The following SLC25A26 variants were observed in gnomAD, a reference collection of about 807,000 sequenced individuals.
The protein encoded by SLC25A26 is mitochondrial S-adenosylmethionine carrier protein.
A neutral mutation model predicts 37.8 loss-of-function variants in SLC25A26; 36 were observed. That is an observed-to-expected ratio of 0.95 (90% CI 0.73 to 1.26). The LOEUF (loss-of-function observed/expected upper bound fraction) is 1.26. Among genes scored for constraint, SLC25A26 ranks in the 50% most tolerant of loss-of-function variants. SLC25A26 has a pLI of 0.00. For synonymous variants in SLC25A26, 129 were observed against 122.5 expected (o/e 1.05, Z -0.35); for missense variants, 390 against 331.1 (o/e 1.18, Z -1.38).
chr3:66,174,740 C>T (rs867446621), intron 1 of SLC25A26, among the ~76,000 whole-genome samples: 5 of 150,994 alleles, frequency 3.3e-5, no homozygotes, highest in Non-Finnish European at 7.4e-5. Context: ...GAGCCGAGAT[C>T]GCGCCACTGC....
intron 1 of SLC25A26, among the ~76,000 whole-genome samples, chr3:66,200,321 C>T (rs2071092583): frequency 6.6e-6 from 1 of 152,122 alleles, no homozygotes; most frequent in African/African-American, 2.4e-5. Flanking sequence ...CTACCTTTTC[C>T]CTGGCAGGTG....
intron 1 of SLC25A26, among the ~76,000 whole-genome samples, chr3:66,226,644 G>A (rs1377669145): frequency 6.6e-6 from 1 of 152,030 alleles, no homozygotes; most frequent in Non-Finnish European, 1.5e-5. Flanking sequence ...TTCTTGTTTT[G>A]TAGAGACAGG....
chr3:66,358,692 G>A (rs1344163957), intron 6 of SLC25A26, among the ~76,000 whole-genome samples: 1 of 152,176 alleles, frequency 6.6e-6, no homozygotes, highest in Non-Finnish European at 1.5e-5. Flanking sequence ...GGATCTCACT[G>A]TGTTAACTAG....
At chr3:66,345,725 C>G (rs529288454) in intron 5 of SLC25A26, among the ~76,000 whole-genome samples, 36 of 152,282 alleles carry the variant, frequency 2.4e-4, no homozygotes, top group African/African-American at 8.2e-4. Flanking sequence ...AATCCTAACA[C>G]TGCCTGCTAA....
chr3:66,300,561 A>G (rs1366330989), intron 5 of SLC25A26, among the ~76,000 whole-genome samples: 2 of 152,098 alleles, frequency 1.3e-5, no homozygotes, highest in Admixed American at 6.6e-5. Context: ...GGTGTCGCTG[A>G]TGCTCGTTTT....
chr3:66,336,535 C>G (rs933569120), intron 5 of SLC25A26, among the ~76,000 whole-genome samples: 2 of 152,172 alleles, frequency 1.3e-5, no homozygotes, highest in African/African-American at 4.8e-5. Flanking sequence ...TGTGCGAGTT[C>G]TAACGTTTTG....
At chr3:66,352,191 G>A (rs1324962508) in intron 6 of SLC25A26, among the ~76,000 whole-genome samples, 3 of 152,190 alleles carry the variant, frequency 2.0e-5, no homozygotes, top group South Asian at 2.1e-4. Flanking sequence ...GGGCGACAGA[G>A]TGAGACCCTG....
At chr3:66,209,637 A>ATC (rs2071247798) in intron 1 of SLC25A26, among the ~76,000 whole-genome samples, 1 of 139,830 alleles carries the variant, frequency 7.2e-6, no homozygotes, top group Non-Finnish European at 1.5e-5. Flanking sequence ...TATTTTATAT[A>ATC]TATATACCTT....
intron 3 of SLC25A26, among the ~76,000 whole-genome samples, chr3:66,254,969 C>A (rs559466808): frequency 1.3e-4 from 20 of 152,108 alleles, no homozygotes; most frequent in Admixed American, 9.2e-4. Context: ...AGTTGTAAAA[C>A]CCTGGTGGTG....
chr3:66,306,680 C>T (rs944052732), intron 5 of SLC25A26, among the ~76,000 whole-genome samples: 3 of 152,140 alleles, frequency 2.0e-5, no homozygotes, highest in African/African-American at 7.2e-5. Flanking sequence ...CAACAGGCCC[C>T]AGTGTGAGAT....
intron 9 of SLC25A26, 86 bp downstream of exon 9, chr3:66,370,688 CCT>C: frequency 9.8e-7 from 1 of 1,017,364 alleles, no homozygotes; most frequent in Non-Finnish European, 1.5e-6. Flanking sequence ...CCTCTCCTTC[CCT>C]TCTGCTTATG....
At chr3:66,208,402 G>A (rs918792013) in intron 1 of SLC25A26, among the ~76,000 whole-genome samples, 3 of 151,820 alleles carry the variant, frequency 2.0e-5, no homozygotes, top group South Asian at 2.1e-4. Flanking sequence ...CAGTGAACTC[G>A]GGAAAAGGCC....
chr3:66,277,408 G>A (rs766320530), intron 5 of SLC25A26, among the ~76,000 whole-genome samples: 4 of 152,120 alleles, frequency 2.6e-5, no homozygotes, highest in African/African-American at 7.2e-5. Context: ...GAAGCAGAGA[G>A]TAGAACCATG....
chr3:66,246,048 T>C (rs1448201377), intron 3 of SLC25A26, among the ~76,000 whole-genome samples: 1 of 152,224 alleles, frequency 6.6e-6, no homozygotes, highest in Non-Finnish European at 1.5e-5. Context: ...GGACATTTGA[T>C]ATAAATGGAA....
At chr3:66,195,388 G>A (rs1418834088) in intron 1 of SLC25A26, among the ~76,000 whole-genome samples, 1 of 152,230 alleles carries the variant, frequency 6.6e-6, no homozygotes, top group Non-Finnish European at 1.5e-5. Flanking sequence ...CCGCGGTAGG[G>A]AGCCATCCGC....
At chr3:66,353,530 A>G (rs1270732420) in intron 6 of SLC25A26, among the ~76,000 whole-genome samples, 6 of 152,186 alleles carry the variant, frequency 3.9e-5, no homozygotes, top group African/African-American at 4.8e-5. Context: ...ACCGCACATG[A>G]TGTGTTTCAT....
intron 1 of SLC25A26, among the ~76,000 whole-genome samples, chr3:66,155,986 A>G (rs2070277234): frequency 6.6e-6 from 1 of 152,192 alleles, no homozygotes; most frequent in Non-Finnish European, 1.5e-5. Context: ...TAAAAAAATG[A>G]TGAATGTCTT....
chr3:66,322,638 CAT>C (rs1464566462), intron 5 of SLC25A26, among the ~76,000 whole-genome samples: 2 of 152,192 alleles, frequency 1.3e-5, no homozygotes. Context: ...TCAGTGACAA[CAT>C]GTGGTTTTAA....
intron 1 of SLC25A26, among the ~76,000 whole-genome samples, chr3:66,146,811 G>A (rs1176654505): frequency 1.3e-5 from 2 of 152,046 alleles, no homozygotes; most frequent in Non-Finnish European, 2.9e-5. Flanking sequence ...TACTCACTAT[G>A]TAGTCTTTTA....
Sources: allele counts gnomAD v4.1 joint callset (sites outside exome capture counted in the v4.1 genomes callset), GRCh38; gene constraint gnomAD v4.1.1; transcripts MANE v1.5; gene names NCBI Gene and HGNC (gene_info 2026-07-23, HGNC 2026-07-21).